The following PCDHA7 variants were observed in gnomAD, a reference collection of about 807,000 sequenced individuals.
PCDHA7 encodes protocadherin alpha 7.
A neutral mutation model predicts 57.2 loss-of-function variants in PCDHA7; 37 were observed. The observed-to-expected ratio is 0.65, with a 90% CI of 0.50 to 0.85. The LOEUF (loss-of-function observed/expected upper bound fraction) is 0.85. PCDHA7 is among the 40% of genes least tolerant of loss of function. The probability of loss-of-function intolerance (pLI) is 0.00; values close to 1 mark genes in which losing one functional copy is unlikely to be tolerated. For synonymous variants in PCDHA7, 553 were observed against 558.8 expected (o/e 0.99, Z 0.15); for missense variants, 1,188 against 1,241.8 (o/e 0.96, Z 0.65).
intron 1 of PCDHA7, among the ~76,000 whole-genome samples, chr5:140,855,001 A>G (rs1315198457): frequency 1.3e-4 from 20 of 149,948 alleles, no homozygotes; most frequent in Admixed American, 1.2e-3. Context: ...CCCGTGTAAG[A>G]TATTATAAAA....
At chr5:140,848,923 C>G (rs1554142574) in intron 1 of PCDHA7, 1 of 1,607,740 alleles carries the variant, frequency 6.2e-7, no homozygotes, top group Middle Eastern at 1.7e-4. Context: ...CTGTTCATCG[C>G]GGAATCCAGG....
chr5:140,884,486 G>T, intron 1 of PCDHA7: 1 of 1,614,030 alleles, frequency 6.2e-7, no homozygotes, highest in Non-Finnish European at 8.5e-7. Flanking sequence ...GCCCACTCTA[G>T]TGTGCTCCAG....
At chr5:140,990,537 A>G (rs2097398813) in intron 3 of PCDHA7, among the ~76,000 whole-genome samples, 1 of 152,192 alleles carries the variant, frequency 6.6e-6, no homozygotes, top group Non-Finnish European at 1.5e-5. Flanking sequence ...TGTGCATCAT[A>G]GATACTGTAT....
chr5:141,005,701 CAAAAAAAAAAA>C (rs59860837), intron 3 of PCDHA7, among the ~76,000 whole-genome samples: 24 of 7,788 alleles, frequency 3.1e-3, no homozygotes, highest in African/African-American at 7.5e-3. Flanking sequence ...AACTCCGTCT[CAAAAAAAAAAA>C]AAAAAAAAAA....
At chr5:140,967,785 G>A (rs1554229943) in intron 1 of PCDHA7, 6 of 1,614,176 alleles carry the variant, frequency 3.7e-6, no homozygotes, top group Admixed American at 3.3e-5. Context: ...GCGACTGACC[G>A]GGGTCCAGTG....
At chr5:140,865,067 T>C (rs2048722686) in intron 1 of PCDHA7, 1 of 152,340 alleles carries the variant, frequency 6.6e-6, no homozygotes, top group South Asian at 2.1e-4. Context: ...ATAACTTAAG[T>C]ATAAGAACCA....
intron 1 of PCDHA7, among the ~76,000 whole-genome samples, chr5:140,961,708 A>C (rs2095630610): frequency 6.6e-6 from 1 of 152,204 alleles, no homozygotes; most frequent in Non-Finnish European, 1.5e-5. Flanking sequence ...GAATGCCTTC[A>C]TTTCTAAGTG....
At chr5:140,846,550 AT>A (rs1279691589) in intron 1 of PCDHA7, among the ~76,000 whole-genome samples, 1 of 147,284 alleles carries the variant, frequency 6.8e-6, no homozygotes, top group East Asian at 2.0e-4. Context: ...AATTTTTTGT[AT>A]TTTTAGTAGA....
chr5:140,841,267 A>C, intron 1 of PCDHA7: 1 of 1,524,772 alleles, frequency 6.6e-7, no homozygotes, highest in Non-Finnish European at 8.8e-7. Flanking sequence ...CTGAAAGTAC[A>C]GTCGTTCATC....
chr5:140,973,863 T>C (rs868937124), intron 1 of PCDHA7, among the ~76,000 whole-genome samples: 1 of 152,224 alleles, frequency 6.6e-6, no homozygotes. Context: ...TTGCTCTCAA[T>C]GAGAGGTCAG....
intron 3 of PCDHA7, among the ~76,000 whole-genome samples, chr5:141,003,690 T>C (rs1441506131): frequency 2.0e-5 from 3 of 152,232 alleles, no homozygotes; most frequent in African/African-American, 7.2e-5. Flanking sequence ...TTTTAAAATA[T>C]ATCCCTACCA....
In PCDHA7 at chr5:140,913,731, A is replaced by G. The variant is rs557158674; in HGVS notation, c.2356-65218A>G. ...CAATTACAGCTACAAATTTCCCTCT[A>G]ATAGTACTCCTTTTGTTGTATCTCA... On this transcript the variant is annotated intron_variant, in intron 1 of 3. Transcript: ENST00000525929. Among the ~76,000 whole-genome samples the G allele has an allele frequency of 1.8e-4, 27 of 152,194 alleles. No homozygotes were observed. The South Asian group carries it at 2.5e-3, about 14-fold the overall frequency.
intron 1 of PCDHA7, among the ~76,000 whole-genome samples, chr5:140,879,081 T>C (rs1425343317): frequency 1.3e-5 from 2 of 152,084 alleles, no homozygotes; most frequent in African/African-American, 4.8e-5. Flanking sequence ...GAGAGATAAG[T>C]AGGAACAACT....
At chr5:140,955,552 C>T (rs1554221978) in intron 1 of PCDHA7, among the ~76,000 whole-genome samples, 2 of 152,092 alleles carry the variant, frequency 1.3e-5, no homozygotes, top group African/African-American at 4.8e-5. Flanking sequence ...TTGAGGCCTC[C>T]CCAGCCATAC....
At chr5:140,917,305 C>T (rs1554197951) in intron 1 of PCDHA7, among the ~76,000 whole-genome samples, 1 of 137,094 alleles carries the variant, frequency 7.3e-6, no homozygotes, top group African/African-American at 2.7e-5. Flanking sequence ...ATAGTTGTTA[C>T]AATTTGGTGT....
At chr5:140,848,419 T>C in intron 1 of PCDHA7, 1 of 1,412,874 alleles carries the variant, frequency 7.1e-7, no homozygotes, top group Non-Finnish European at 9.7e-7. Context: ...CACAGCAGAA[T>C]GGGACTGACG....
At chr5:140,856,112 GCC>G (rs2043785671) in intron 1 of PCDHA7, 1 of 1,598,078 alleles carries the variant, frequency 6.3e-7, no homozygotes, top group Non-Finnish European at 8.6e-7. Context: ...TCTCCTCGCA[GCC>G]TGGGAGGTGG....
chr5:140,993,630 C>T (rs1305182880), intron 3 of PCDHA7, among the ~76,000 whole-genome samples: 2 of 152,054 alleles, frequency 1.3e-5, no homozygotes, highest in South Asian at 4.2e-4. Flanking sequence ...TATATATAGT[C>T]GTGTACCAAA....
intron 1 of PCDHA7, among the ~76,000 whole-genome samples, chr5:140,924,911 TA>T (rs1563069164): frequency 3.0e-4 from 18 of 59,772 alleles, no homozygotes; most frequent in Middle Eastern, 7.5e-3. Flanking sequence ...AAAAATAAAA[TA>T]AAATAAAATA....
Sources: gnomAD v4.1 joint callset for allele counts (sites outside exome capture counted in the v4.1 genomes callset) on GRCh38, gnomAD v4.1.1 for gene constraint, MANE v1.5 for transcripts, NCBI Gene and HGNC (gene_info 2026-07-23, HGNC 2026-07-21) for gene names.